The following NFIA variants were observed in gnomAD, a reference collection of about 807,000 sequenced individuals.
The protein encoded by NFIA is nuclear factor I A.
Under a neutral mutation model 62.8 loss-of-function variants are expected in NFIA, and 8 were observed. The ratio of observed to expected loss-of-function variants is 0.13; its 90% confidence interval spans 0.07 to 0.23. The LOEUF is 0.23. Ranked by LOEUF, NFIA falls within the 10% of genes least tolerant of loss-of-function variation. The probability of loss-of-function intolerance (pLI) is 1.00; values close to 1 mark genes in which losing one functional copy is unlikely to be tolerated. For missense variants in NFIA, 410 were observed against 642.1 expected, an observed-to-expected ratio of 0.64 and a Z score of 3.91; for synonymous variants, 235 against 238.1, an observed-to-expected ratio of 0.99 and a Z score of 0.12.
intron 8 of NFIA, among the ~76,000 whole-genome samples, chr1:61,405,876 T>C (rs1432452333): frequency 6.6e-6 from 1 of 152,224 alleles, no homozygotes; most frequent in African/African-American, 2.4e-5. Flanking sequence ...ATGACTCTTA[T>C]GGCATATGCT....
chr1:61,234,668 C>CA (rs961414726), intron 2 of NFIA, among the ~76,000 whole-genome samples: 12 of 151,500 alleles, frequency 7.9e-5, no homozygotes, highest in East Asian at 1.9e-4. Context: ...CTACTTTAGG[C>CA]AAAAAAAAGG....
intron 2 of NFIA, among the ~76,000 whole-genome samples, chr1:61,146,122 T>C (rs1021457324): frequency 2.6e-5 from 4 of 152,198 alleles, no homozygotes; most frequent in African/African-American, 9.6e-5. Context: ...ATCTAGAGGC[T>C]GGCTCTTCAC....
At chr1:61,084,712 A>G (rs534728878) in intron 1 of NFIA, among the ~76,000 whole-genome samples, 1 of 152,286 alleles carries the variant, frequency 6.6e-6, no homozygotes, top group South Asian at 2.1e-4. Context: ...TTCTCAATTG[A>G]GCTCTGAAAA....
intron 10 of NFIA, among the ~76,000 whole-genome samples, chr1:61,430,650 A>G (rs1667061332): frequency 1.4e-5 from 1 of 69,958 alleles, no homozygotes; most frequent in Non-Finnish European, 2.6e-5. Context: ...TTTCCCTTGT[A>G]GTCTGTTTTT....
chr1:61,364,745 A>G lies in NFIA; in HGVS notation c.946+5471A>G, dbSNP rs536654996. On this transcript the variant is annotated intron_variant, in intron 6 of 10. Transcript: ENST00000403491. ...AATCCCAACAGTGAATCCTTTGTAG[A>G]ACATTTTATGTAGTATAGACAACCT... Among the ~76,000 whole-genome samples the G allele has an allele frequency of 2.7e-4, 41 of 152,328 alleles. No homozygotes were observed. In the South Asian group the frequency reaches 7.1e-3, roughly 26 times the overall value.
At chr1:61,345,621 C>A (rs1338913560) in intron 4 of NFIA, among the ~76,000 whole-genome samples, 1 of 152,142 alleles carries the variant, frequency 6.6e-6, no homozygotes, top group African/African-American at 2.4e-5. Flanking sequence ...ACTCTGCCTC[C>A]TGTCAGATCA....
intron 3 of NFIA, 102 bp downstream of exon 3, chr1:61,277,687 C>A: frequency 9.1e-7 from 1 of 1,099,354 alleles, no homozygotes. Context: ...AAGTAGCCCA[C>A]AGTAGGAACA....
chr1:61,157,045 ACTGCATT>A (rs1246857167), intron 2 of NFIA, among the ~76,000 whole-genome samples: 1 of 152,204 alleles, frequency 6.6e-6, no homozygotes, highest in Non-Finnish European at 1.5e-5. Flanking sequence ...GCCAAAGAGA[ACTGCATT>A]CATCATGTGG....
At chr1:61,253,760 A>G (rs567363306) in intron 2 of NFIA, among the ~76,000 whole-genome samples, 4 of 152,334 alleles carry the variant, frequency 2.6e-5, no homozygotes, top group Admixed American at 2.0e-4. Context: ...TTATGTTAGA[A>G]TGACCACGTC....
intron 7 of NFIA, 168 bp from the exon 8 acceptor site, chr1:61,403,936 G>C: frequency 1.5e-6 from 1 of 685,718 alleles, no homozygotes; most frequent in Non-Finnish European, 2.4e-6. Flanking sequence ...GTTTGTCTTA[G>C]AGCCTTAAGG....
intron 3 of NFIA, among the ~76,000 whole-genome samples, chr1:61,282,589 C>T (rs1196757786): frequency 6.6e-6 from 1 of 152,146 alleles, no homozygotes; most frequent in Non-Finnish European, 1.5e-5. Context: ...TAATTCAAGG[C>T]ACACTTCTGT....
intron 2 of NFIA, among the ~76,000 whole-genome samples, chr1:61,185,260 T>C (rs986382625): frequency 1.6e-4 from 24 of 152,196 alleles, no homozygotes; most frequent in Admixed American, 1.5e-3. Context: ...TTAAAGAAGA[T>C]AGGTAGTAGT....
intron 2 of NFIA, among the ~76,000 whole-genome samples, chr1:61,199,323 G>A (rs1312041957): frequency 1.3e-5 from 2 of 152,198 alleles, no homozygotes; most frequent in Non-Finnish European, 2.9e-5. Flanking sequence ...GCTGGTTGAG[G>A]ATATCTGTTA....
At chr1:61,340,539 G>C (rs1661842718) in intron 4 of NFIA, among the ~76,000 whole-genome samples, 1 of 152,222 alleles carries the variant, frequency 6.6e-6, no homozygotes, top group South Asian at 2.1e-4. Context: ...TCTCAGGAGT[G>C]TAATGAGGGT....
rs765790736 is a variant in NFIA, at chr1:61,406,551, C to CG, written c.1255-11_1255-10insG. 3.3e-5 allele frequency: 39 copies of CG among 1,184,896 alleles called. 1 individual carries two copies. The highest frequency in any genetic ancestry group is 4.9e-5 in the Admixed American group (2 of 41,074). 73.4% of individuals were successfully genotyped at this position (1,184,896 alleles called of 1,614,324 possible). On this transcript the variant is annotated splice_polypyrimidine_tract_variant and intron_variant, in intron 8 of 10. Coordinates refer to ENST00000403491, the MANE Select transcript of NFIA (RefSeq NM_001134673.4). ...TTGTACGTGTGTTTTCTGCCCCCCC[C>CG]CCCCCCACAGCCCAATGGGAGCAGC...
intron 4 of NFIA, among the ~76,000 whole-genome samples, chr1:61,340,176 A>G (rs1047508899): frequency 4.6e-5 from 7 of 152,352 alleles, no homozygotes; most frequent in African/African-American, 1.7e-4. Context: ...TACTCTTATT[A>G]TAAAGATTTG....
At chr1:61,184,109 G>T (rs969125691) in intron 2 of NFIA, among the ~76,000 whole-genome samples, 1 of 144,876 alleles carries the variant, frequency 6.9e-6, no homozygotes. Context: ...AGGTTTATGG[G>T]GGGGGGAAAA....
chr1:61,441,946 G>T (rs565705479), intron 10 of NFIA, among the ~76,000 whole-genome samples: 173 of 151,604 alleles, frequency 1.1e-3, no homozygotes, highest in Non-Finnish European at 2.0e-3. Context: ...CAGGAAGGCG[G>T]TTTGCTTGGC....
At chr1:61,408,258 CAG>C (rs1665942149) in intron 9 of NFIA, among the ~76,000 whole-genome samples, 1 of 152,234 alleles carries the variant, frequency 6.6e-6, no homozygotes, top group Non-Finnish European at 1.5e-5. Flanking sequence ...TGTCCAATGA[CAG>C]AGAAGCAAGC....
Sources: gnomAD v4.1 joint callset for allele counts (sites outside exome capture counted in the v4.1 genomes callset) on GRCh38, gnomAD v4.1.1 for gene constraint, MANE v1.5 for transcripts, NCBI Gene and HGNC (gene_info 2026-07-23, HGNC 2026-07-21) for gene names.